The following FANCC variants were observed in gnomAD, a reference collection of about 807,000 sequenced individuals.
FANCC encodes the protein FA complementation group C.
FANCC carries 55 observed loss-of-function variants against 71.3 expected under a neutral mutation model. That is an observed-to-expected ratio of 0.77 (90% confidence interval 0.62 to 0.97). The LOEUF is 0.97. Among genes scored for constraint, FANCC ranks in the 50% least tolerant of loss-of-function variants. The pLI, the probability that FANCC is intolerant of heterozygous loss-of-function variation, is 0.00. For synonymous variants in FANCC, 275 were observed against 244.9 expected, an observed-to-expected ratio of 1.12 and a Z score of -1.15; for missense variants, 678 against 670.9, an observed-to-expected ratio of 1.01 and a Z score of -0.12.
intron 4 of FANCC, among the ~76,000 whole-genome samples, chr9:95,187,697 T>C (rs1826816005): frequency 6.6e-6 from 1 of 151,912 alleles, no homozygotes; most frequent in East Asian, 1.9e-4. Context: ...TCAAATGCTG[T>C]GTGTCTTTAT....
chr9:95,125,242 A>G (rs1825797891), intron 9 of FANCC, 57 bp from the exon 10 acceptor site: 2 of 1,377,404 alleles, frequency 1.5e-6, no homozygotes, highest in East Asian at 4.6e-5. Flanking sequence ...GCAAACATGA[A>G]AACCTGCACT....
intron 7 of FANCC, among the ~76,000 whole-genome samples, chr9:95,144,200 T>C (rs1378904946): frequency 6.6e-6 from 1 of 152,244 alleles, no homozygotes; most frequent in Non-Finnish European, 1.5e-5. Flanking sequence ...TGTCAACATG[T>C]GGCTGGGATG....
Position 95,293,846 on chromosome 9 carries a change from G to A in FANCC, c.-79+23680C>T, listed in dbSNP as rs941010641. 54 of 1,611,834 alleles carry A rather than the reference G, an allele frequency of 3.4e-5. No homozygotes were observed. The Admixed American group carries it at 5.5e-4, about 16-fold the overall frequency. ...AAACCAGTGGGATACAAAGTCCAAC[G>A]GATGACCATGTACAGATGGACCAAG... On this transcript the variant is annotated intron_variant, in intron 1 of 14. Coordinates refer to ENST00000289081, the MANE Select transcript of FANCC (RefSeq NM_000136.3).
chr9:95,295,305 T>C (rs1294437402), intron 1 of FANCC, among the ~76,000 whole-genome samples: 1 of 152,028 alleles, frequency 6.6e-6, no homozygotes, highest in Non-Finnish European at 1.5e-5. Context: ...GGTGTTAATA[T>C]CCAGAATATA....
intron 8 of FANCC, among the ~76,000 whole-genome samples, chr9:95,130,702 G>A (rs1328156383): frequency 1.3e-5 from 2 of 152,138 alleles, no homozygotes; most frequent in East Asian, 1.9e-4. Flanking sequence ...AGCTGTTTCC[G>A]AGCCACTGTT....
intron 1 of FANCC, among the ~76,000 whole-genome samples, chr9:95,314,372 G>T (rs1253077807): frequency 6.6e-6 from 1 of 152,052 alleles, no homozygotes; most frequent in Non-Finnish European, 1.5e-5. Flanking sequence ...ACTTGCTTTC[G>T]GCCGGGCGCA....
intron 4 of FANCC, among the ~76,000 whole-genome samples, chr9:95,217,758 C>A (rs930864681): frequency 1.4e-4 from 22 of 151,884 alleles, no homozygotes; most frequent in African/African-American, 5.1e-4. Context: ...GAAAGAAAAT[C>A]ATAAAGAGCA....
chr9:95,196,843 G>C (rs1305377304), intron 4 of FANCC, among the ~76,000 whole-genome samples: 1 of 152,192 alleles, frequency 6.6e-6, no homozygotes, highest in East Asian at 1.9e-4. Context: ...TCCTAGTCCT[G>C]TGATGCTCCA....
chr9:95,264,269 A>G (rs1032208413), intron 1 of FANCC, among the ~76,000 whole-genome samples: 1 of 152,238 alleles, frequency 6.6e-6, no homozygotes, highest in Non-Finnish European at 1.5e-5. Flanking sequence ...TACTTGGCAC[A>G]TTGTAGGAGC....
At chr9:95,304,906 C>T (rs1834988033) in intron 1 of FANCC, among the ~76,000 whole-genome samples, 1 of 152,110 alleles carries the variant, frequency 6.6e-6, no homozygotes, top group African/African-American at 2.4e-5. Context: ...TCCACAGTTA[C>T]CAACTTCAGA....
chr9:95,264,209 C>T (rs1056122323), intron 1 of FANCC, among the ~76,000 whole-genome samples: 5 of 152,194 alleles, frequency 3.3e-5, no homozygotes, highest in African/African-American at 1.2e-4. Context: ...GCTGACACAT[C>T]TCAGGACCTA....
At chr9:95,201,662 A>G (rs1363269320) in intron 4 of FANCC, among the ~76,000 whole-genome samples, 1 of 152,226 alleles carries the variant, frequency 6.6e-6, no homozygotes, top group Non-Finnish European at 1.5e-5. Context: ...AGGGAAAAAA[A>G]TTTGTGCCAC....
At chr9:95,175,859 G>A (rs1825980302) in intron 4 of FANCC, among the ~76,000 whole-genome samples, 1 of 152,244 alleles carries the variant, frequency 6.6e-6, no homozygotes, top group African/African-American at 2.4e-5. Context: ...AATCCACGCG[G>A]AGGTGTCCAA....
chr9:95,240,591 G>T, intron 4 of FANCC, 58 bp downstream of exon 4: 1 of 1,371,436 alleles, frequency 7.3e-7, no homozygotes, highest in Non-Finnish European at 1.0e-6. Context: ...TTTTTAAGCA[G>T]CACTTTTAAA....
At chr9:95,105,937 G>T (rs906254908) in intron 14 of FANCC, among the ~76,000 whole-genome samples, 5 of 152,192 alleles carry the variant, frequency 3.3e-5, no homozygotes, top group Non-Finnish European at 5.9e-5. Flanking sequence ...CTGAGCACTG[G>T]GCCAGATGGC....
At chr9:95,217,062 C>A (rs1377926545) in intron 4 of FANCC, among the ~76,000 whole-genome samples, 2 of 152,158 alleles carry the variant, frequency 1.3e-5, no homozygotes, top group East Asian at 3.8e-4. Flanking sequence ...AATTCAGAAC[C>A]ATAAAACAAT....
chr9:95,146,487 C>CAAAAA (rs61093923), intron 7 of FANCC, among the ~76,000 whole-genome samples: 5,152 of 45,020 alleles, frequency 0.11, 877 homozygotes, highest in African/African-American at 0.14. Flanking sequence ...GACCCCATCT[C>CAAAAA]AAAAAAAAAA....
intron 10 of FANCC, among the ~76,000 whole-genome samples, chr9:95,118,798 T>A (rs2072643009): frequency 6.6e-6 from 1 of 152,218 alleles, no homozygotes; most frequent in Non-Finnish European, 1.5e-5. Flanking sequence ...TATGCCATAG[T>A]CTGTTTAGCC....
At chr9:95,299,372 G>A (rs888767631) in intron 1 of FANCC, among the ~76,000 whole-genome samples, 1 of 152,160 alleles carries the variant, frequency 6.6e-6, no homozygotes, top group African/African-American at 2.4e-5. Flanking sequence ...TTTACTAACA[G>A]TGACTCTATT....
Sources: gnomAD v4.1 joint callset for allele counts (sites outside exome capture counted in the v4.1 genomes callset) on GRCh38, gnomAD v4.1.1 for gene constraint, MANE v1.5 for transcripts, NCBI Gene and HGNC (gene_info 2026-07-23, HGNC 2026-07-21) for gene names.